The following CHRNA7 variants were observed in gnomAD, a reference collection of about 807,000 sequenced individuals.
The protein encoded by CHRNA7 is cholinergic receptor nicotinic alpha 7 subunit.
In CHRNA7, 17 loss-of-function variants were observed where a neutral mutation model predicts 48.0. That is an observed-to-expected ratio of 0.35 (90% confidence interval 0.24 to 0.53). The LOEUF is 0.53. Ranked by LOEUF, CHRNA7 falls within the 20% of genes least tolerant of loss-of-function variation. CHRNA7 has a pLI of 0.92. For synonymous variants in CHRNA7, 75 were observed against 242.3 expected, an observed-to-expected ratio of 0.31 and a Z score of 6.41; for missense variants, 155 against 577.7, an observed-to-expected ratio of 0.27 and a Z score of 7.50.
At chr15:32,067,144 TG>T (rs2049979557) in intron 2 of CHRNA7, among the ~76,000 whole-genome samples, 1 of 152,128 alleles carries the variant, frequency 6.6e-6, no homozygotes, top group Non-Finnish European at 1.5e-5. Flanking sequence ...CTTCCCAAAT[TG>T]GGTGAAAAAC....
chr15:32,127,526 TA>T (rs1306504578), intron 4 of CHRNA7, among the ~76,000 whole-genome samples: 1 of 152,158 alleles, frequency 6.6e-6, no homozygotes, highest in African/African-American at 2.4e-5. Flanking sequence ...ATTGTGTTTT[TA>T]ATTTACATTC....
At chr15:32,030,825 G>T in intron 1 of CHRNA7, 73 bp from the exon 2 acceptor site, 1 of 1,544,976 alleles carries the variant, frequency 6.5e-7, no homozygotes. Context: ...GGCGGGGGAC[G>T]CCGGCAGGAG....
chr15:32,031,323 A>C (rs1259412226), intron 2 of CHRNA7, among the ~76,000 whole-genome samples: 1 of 152,154 alleles, frequency 6.6e-6, no homozygotes. Context: ...TTAGAAACTC[A>C]AGCATCCTGA....
At chr15:32,066,515 C>T (rs2049969600) in intron 2 of CHRNA7, among the ~76,000 whole-genome samples, 1 of 152,118 alleles carries the variant, frequency 6.6e-6, no homozygotes, top group Non-Finnish European at 1.5e-5. Flanking sequence ...CTCTTGACCT[C>T]ATGATATGCC....
intron 2 of CHRNA7, among the ~76,000 whole-genome samples, chr15:32,046,156 T>A (rs1168308775): frequency 6.6e-6 from 1 of 152,030 alleles, no homozygotes; most frequent in Non-Finnish European, 1.5e-5. Context: ...TATAGCAGCA[T>A]GATTTATAGT....
intron 4 of CHRNA7, 200 bp downstream of exon 4, chr15:32,112,099 A>G (rs1595459805): frequency 1.6e-6 from 1 of 630,394 alleles, no homozygotes; most frequent in African/African-American, 1.8e-5. Context: ...TTTGGCATGC[A>G]CACGTGCACA....
Position 32,030,980 on chromosome 15 carries a change from T to C in CHRNA7, c.138T>C (p.Asn46=). ...NYNPLERPVA[N]DSQPLTVYFS... is the part of the protein sequence containing the mutation. ...ATCCCTTGGAGAGGCCCGTGGCCAATGACTCGCAACCACTCACCGTCTACT... is the reference window on the plus strand; with the variant it reads ...ATCCCTTGGAGAGGCCCGTGGCCAACGACTCGCAACCACTCACCGTCTACT... The change falls in exon 2 of 10, where the codon AAT becomes AAC. Residue 46 remains asparagine, a synonymous_variant. Transcript: ENST00000306901. 1 of 1,614,190 alleles carries C rather than the reference T, an allele frequency of 6.2e-7. No individual in the cohort carries two copies.
chr15:32,092,424 G>T (rs1292140218), intron 2 of CHRNA7, among the ~76,000 whole-genome samples: 1 of 152,072 alleles, frequency 6.6e-6, no homozygotes, highest in Non-Finnish European at 1.5e-5. Context: ...TATATTAGTT[G>T]TGTGTGTATG....
chr15:32,090,216 C>T (rs1301095654), intron 2 of CHRNA7, among the ~76,000 whole-genome samples: 1 of 152,108 alleles, frequency 6.6e-6, no homozygotes, highest in Non-Finnish European at 1.5e-5. Context: ...AGTGTAATTT[C>T]CCTAGCAGGG....
intron 2 of CHRNA7, among the ~76,000 whole-genome samples, chr15:32,033,851 G>A (rs1167170044): frequency 6.6e-6 from 1 of 152,190 alleles, no homozygotes; most frequent in African/African-American, 2.4e-5. Flanking sequence ...GTTATTGATT[G>A]CTTTTGTTTG....
At chr15:32,079,456 T>C (rs1289934560) in intron 2 of CHRNA7, among the ~76,000 whole-genome samples, 1 of 152,126 alleles carries the variant, frequency 6.6e-6, no homozygotes, top group African/African-American at 2.4e-5. Context: ...CAGCAAAATC[T>C]CAGGACAGGA....
chr15:32,045,800 T>A (rs977741405), intron 2 of CHRNA7, among the ~76,000 whole-genome samples: 1 of 146,916 alleles, frequency 6.8e-6, no homozygotes, highest in Non-Finnish European at 1.5e-5. Context: ...GTATATCTCC[T>A]AATGCTATCC....
intron 2 of CHRNA7, among the ~76,000 whole-genome samples, chr15:32,070,669 C>CTTTTTTTTTT (rs71113441): frequency 2.0e-4 from 8 of 40,892 alleles, no homozygotes; most frequent in African/African-American, 6.5e-4. Flanking sequence ...GGTTTAGTTC[C>CTTTTTTTTTT]TTTTTTTTTT....
At chr15:32,098,871 A>ACAC (rs2050519510) in intron 2 of CHRNA7, 1 of 134,706 alleles carries the variant, frequency 7.4e-6, no homozygotes, top group Non-Finnish European at 1.5e-5. Context: ...CCCCCCCACC[A>ACAC]ACACACACAC....
intron 2 of CHRNA7, among the ~76,000 whole-genome samples, chr15:32,070,669 C>CTTTTTTTTTTTTTTTT (rs71113441): frequency 1.5e-4 from 6 of 40,894 alleles, no homozygotes; most frequent in African/African-American, 5.6e-4. Flanking sequence ...GGTTTAGTTC[C>CTTTTTTTTTTTTTTTT]TTTTTTTTTT....
At chr15:32,094,932 G>A (rs993369851) in intron 2 of CHRNA7, among the ~76,000 whole-genome samples, 5 of 152,238 alleles carry the variant, frequency 3.3e-5, no homozygotes, top group Admixed American at 1.3e-4. Flanking sequence ...ACAGGCGTGA[G>A]CCACCGCACC....
chr15:32,039,718 TCTG>T (rs936220580), intron 2 of CHRNA7, among the ~76,000 whole-genome samples: 10 of 131,702 alleles, frequency 7.6e-5, no homozygotes, highest in African/African-American at 2.5e-4. Context: ...GAATGTGTAT[TCTG>T]CTGTTGTTGG....
chr15:32,130,210 T>A (rs887664417), intron 4 of CHRNA7, among the ~76,000 whole-genome samples: 4 of 152,154 alleles, frequency 2.6e-5, no homozygotes, highest in East Asian at 1.9e-4. Flanking sequence ...TGGTGTAAGT[T>A]CTTTTATATC....
At position 32,149,765 on chromosome 15, in the gene CHRNA7, T is replaced by G. The variant is rs2051582346; in HGVS notation, c.351-4142T>G. The stretch of plus-strand genomic sequence containing the variant: ...AATCACTGAGTCACAGGTAAGCTGT[T>G]GCTAATAGCAACAGTTTTTTTATCT... On this transcript the variant is annotated intron_variant, in intron 4 of 9. Transcript: ENST00000306901. The surrounding 1 kb of genome is among the most constrained non-coding windows in gnomAD (Gnocchi z 4.6). Among the ~76,000 whole-genome samples the G allele has an allele frequency of 6.6e-6, 1 of 152,126 alleles. No homozygotes were observed. Among genetic ancestry groups the G allele is most frequent in the Admixed American group, 6.5e-5 (1 of 15,288 alleles).
Sources: allele counts gnomAD v4.1 joint callset (sites outside exome capture counted in the v4.1 genomes callset), GRCh38; gene constraint gnomAD v4.1.1; non-coding constraint Gnocchi (gnomAD v3.1); transcripts MANE v1.5; gene names NCBI Gene and HGNC (gene_info 2026-07-23, HGNC 2026-07-21).